Variants in KCNAB1 observed in about 807,000 individuals in gnomAD.
KCNAB1 encodes the protein potassium voltage-gated channel subfamily A regulatory beta subunit 1.
A neutral mutation model predicts 64.6 loss-of-function variants in KCNAB1; 35 were observed. The observed-to-expected ratio is 0.54, with a 90% confidence interval of 0.41 to 0.72. The LOEUF is 0.72. Among genes scored for constraint, KCNAB1 ranks in the 30% least tolerant of loss-of-function variants. The pLI is 0.00. For missense variants in KCNAB1, 401 were observed against 512.9 expected, an observed-to-expected ratio of 0.78 and a Z score of 2.11; for synonymous variants, 177 against 183.8, an observed-to-expected ratio of 0.96 and a Z score of 0.30.
At chr3:156,504,911 A>G (rs1197861052) in intron 8 of KCNAB1, among the ~76,000 whole-genome samples, 17 of 151,982 alleles carry the variant, frequency 1.1e-4, no homozygotes. Flanking sequence ...TTAGTTTAAT[A>G]TAATTCCATT....
chr3:156,231,225 A>AT (rs1052572347), intron 1 of KCNAB1, among the ~76,000 whole-genome samples: 53 of 152,192 alleles, frequency 3.5e-4, no homozygotes, highest in African/African-American at 9.9e-4. Flanking sequence ...CTAAGCTCTG[A>AT]TTTTTTATTT....
intron 2 of KCNAB1, among the ~76,000 whole-genome samples, chr3:156,423,232 G>A (rs1715582506): frequency 6.6e-6 from 1 of 152,200 alleles, no homozygotes; most frequent in South Asian, 2.1e-4. Context: ...TGGAAGAAAT[G>A]ACCACATATT....
chr3:156,329,602 C>T (rs1006519354), intron 1 of KCNAB1, among the ~76,000 whole-genome samples: 29 of 152,074 alleles, frequency 1.9e-4, no homozygotes, highest in Non-Finnish European at 2.6e-4. Context: ...CATCTGTGGC[C>T]TGAGAGGAGT....
At chr3:156,473,965 T>C (rs191047605) in intron 7 of KCNAB1, among the ~76,000 whole-genome samples, 1 of 152,324 alleles carries the variant, frequency 6.6e-6, no homozygotes, top group Non-Finnish European at 1.5e-5. Context: ...AAATTAATTT[T>C]TTTCTGAGTA....
At chr3:156,402,389 A>G (rs1448673441) in intron 1 of KCNAB1, among the ~76,000 whole-genome samples, 2 of 152,172 alleles carry the variant, frequency 1.3e-5, no homozygotes, top group Non-Finnish European at 2.9e-5. Flanking sequence ...GTAAACATAT[A>G]CTTTTGGCCT....
At chr3:156,137,985 C>T (rs1431576984) in intron 1 of KCNAB1, among the ~76,000 whole-genome samples, 3 of 152,198 alleles carry the variant, frequency 2.0e-5, no homozygotes, top group African/African-American at 7.2e-5. Context: ...CAGTGATTGC[C>T]TCTATCTTTG....
chr3:156,254,194 T>G (rs1717976583), intron 1 of KCNAB1, among the ~76,000 whole-genome samples: 1 of 152,046 alleles, frequency 6.6e-6, no homozygotes, highest in Non-Finnish European at 1.5e-5. Flanking sequence ...AGAGCAGAGG[T>G]TAGATGTAGT....
chr3:156,477,806 G>A (rs1714481809), intron 8 of KCNAB1, among the ~76,000 whole-genome samples: 1 of 152,130 alleles, frequency 6.6e-6, no homozygotes, highest in African/African-American at 2.4e-5. Flanking sequence ...AAAGAGACAG[G>A]ACTGTCCGGT....
chr3:156,310,809 A>AAAC (rs997636939), intron 1 of KCNAB1, among the ~76,000 whole-genome samples: 1 of 152,236 alleles, frequency 6.6e-6, no homozygotes, highest in Non-Finnish European at 1.5e-5. Flanking sequence ...TCTGACTCAA[A>AAAC]AACAACAACA....
chr3:156,292,064 T>C, intron 1 of KCNAB1: 1 of 1,614,180 alleles, frequency 6.2e-7, no homozygotes, highest in Non-Finnish European at 8.5e-7. Flanking sequence ...CCTGGGGACG[T>C]TCACGCCTCA....
intron 1 of KCNAB1, chr3:156,175,708 A>C (rs1688932148): frequency 1.9e-6 from 1 of 523,086 alleles, no homozygotes. Flanking sequence ...GAAATGGGAT[A>C]GCAGTGGTTT....
chr3:156,527,695 A>G (rs1718416487), intron 12 of KCNAB1, among the ~76,000 whole-genome samples: 1 of 152,036 alleles, frequency 6.6e-6, no homozygotes, highest in Non-Finnish European at 1.5e-5. Context: ...CTCACCTGTC[A>G]CTTCTTTCTT....
At chr3:156,477,741 C>T (rs566531787) in intron 8 of KCNAB1, among the ~76,000 whole-genome samples, 1 of 152,174 alleles carries the variant, frequency 6.6e-6, no homozygotes, top group Non-Finnish European at 1.5e-5. Context: ...GTCTTTTCTA[C>T]TTTACTGTAC....
chr3:156,315,576 A>G (rs193150528), intron 1 of KCNAB1, among the ~76,000 whole-genome samples: 2 of 152,236 alleles, frequency 1.3e-5, no homozygotes, highest in East Asian at 3.9e-4. Context: ...AGTGGAATCC[A>G]TGTTTTTACT....
chr3:156,385,305 C>T (rs1712504777), intron 1 of KCNAB1, among the ~76,000 whole-genome samples: 2 of 152,164 alleles, frequency 1.3e-5, no homozygotes, highest in South Asian at 4.2e-4. Context: ...TCCATGGCCC[C>T]CACTCCTTGT....
chr3:156,353,282 TCTC>T (rs935167018), intron 1 of KCNAB1, among the ~76,000 whole-genome samples: 67 of 152,160 alleles, frequency 4.4e-4, no homozygotes, highest in African/African-American at 1.5e-3. Flanking sequence ...TCCATCCTTT[TCTC>T]CTCCTCGTCC....
chr3:156,496,257 A>G (rs907421874), intron 8 of KCNAB1, among the ~76,000 whole-genome samples: 1 of 152,176 alleles, frequency 6.6e-6, no homozygotes, highest in Non-Finnish European at 1.5e-5. Flanking sequence ...CTGTGTCCCC[A>G]CCCAAATCTC....
At chr3:156,196,473 C>G (rs878880888) in intron 1 of KCNAB1, among the ~76,000 whole-genome samples, 1 of 152,114 alleles carries the variant, frequency 6.6e-6, no homozygotes, top group Non-Finnish European at 1.5e-5. Context: ...TTTGTGTCCT[C>G]TCTTATTTCC....
intron 8 of KCNAB1, among the ~76,000 whole-genome samples, chr3:156,480,341 AAAAAG>A: frequency 6.6e-6 from 1 of 152,222 alleles, no homozygotes; most frequent in East Asian, 1.9e-4. Context: ...TTAAAAAAGT[AAAAAG>A]AGAGAGGAAC....
Sources: gnomAD v4.1 joint callset for allele counts (sites outside exome capture counted in the v4.1 genomes callset) on GRCh38, gnomAD v4.1.1 for gene constraint, MANE v1.5 for transcripts, NCBI Gene and HGNC (gene_info 2026-07-23, HGNC 2026-07-21) for gene names.